LTBP1: variants seen among roughly 807,000 people sequenced by gnomAD.
The protein encoded by LTBP1 is latent transforming growth factor beta binding protein 1.
Under a neutral mutation model 207.6 loss-of-function variants are expected in LTBP1, and 129 were observed. That is an observed-to-expected ratio of 0.62 (90% CI 0.54 to 0.72). The LOEUF (loss-of-function observed/expected upper bound fraction) is 0.72. LTBP1 is among the 30% of genes least tolerant of loss of function. The pLI, the probability that LTBP1 is intolerant of heterozygous loss-of-function variation, is 0.00. For synonymous variants in LTBP1, 963 were observed against 833.7 expected (o/e 1.16, Z -2.67); for missense variants, 2,281 against 2,217.2 (o/e 1.03, Z -0.58).
At chr2:33,349,701 C>A (rs1463106090) in intron 26 of LTBP1, among the ~76,000 whole-genome samples, 1 of 152,210 alleles carries the variant, frequency 6.6e-6, no homozygotes, top group Non-Finnish European at 1.5e-5. Context: ...GACAGCATTT[C>A]TTTTACTGAA....
chr2:33,077,916 G>C (rs1394413274), intron 3 of LTBP1, among the ~76,000 whole-genome samples: 1 of 152,182 alleles, frequency 6.6e-6, no homozygotes, highest in East Asian at 1.9e-4. Flanking sequence ...GGCAGCTTGG[G>C]TATCAGTCCA....
rs1490010223 is a variant in LTBP1, at chr2:33,398,349, C to T, written c.4985-15C>T. On this transcript the variant is annotated splice_polypyrimidine_tract_variant and intron_variant, in intron 33 of 33. Coordinates refer to ENST00000404816, the MANE Select transcript of LTBP1 (RefSeq NM_206943.4). Reference sequence around the variant, plus strand: ...TATCCAAGATTGTTTACCTGCATGGCTTGACTTATTGCAGATGTAAATGAA... The same window carrying T: ...TATCCAAGATTGTTTACCTGCATGGTTTGACTTATTGCAGATGTAAATGAA... 2 of 1,609,998 alleles carry T rather than the reference C, an allele frequency of 1.2e-6. No homozygotes were observed.
chr2:33,247,839 C>A (rs1320771342), intron 10 of LTBP1, among the ~76,000 whole-genome samples: 1 of 152,218 alleles, frequency 6.6e-6, no homozygotes, highest in Admixed American at 6.5e-5. Flanking sequence ...AGTTTTGTAT[C>A]CTTTTTGGCA....
chr2:32,957,486 C>T (rs931368029), intron 2 of LTBP1, among the ~76,000 whole-genome samples: 3 of 152,042 alleles, frequency 2.0e-5, no homozygotes, highest in Admixed American at 6.5e-5. Flanking sequence ...AACGGCTGGT[C>T]GGTGGAGCAG....
intron 32 of LTBP1, among the ~76,000 whole-genome samples, chr2:33,392,249 A>G (rs1188829530): frequency 6.6e-6 from 1 of 151,722 alleles, no homozygotes; most frequent in Non-Finnish European, 1.5e-5. Flanking sequence ...CAACGGTGCA[A>G]TCTTGGCTCA....
chr2:33,245,407 G>A (rs1391081499), intron 10 of LTBP1, among the ~76,000 whole-genome samples: 9 of 152,154 alleles, frequency 5.9e-5, no homozygotes. Context: ...TTACTTTTAG[G>A]TGAGTTTGTT....
intron 3 of LTBP1, among the ~76,000 whole-genome samples, chr2:33,022,376 T>A (rs2149237471): frequency 6.6e-6 from 1 of 151,820 alleles, no homozygotes; most frequent in African/African-American, 2.4e-5. Flanking sequence ...GAAATGCTAC[T>A]TTGCTGTTGG....
intron 3 of LTBP1, among the ~76,000 whole-genome samples, chr2:33,105,256 A>G (rs1045031017): frequency 6.6e-5 from 10 of 152,208 alleles, no homozygotes; most frequent in Non-Finnish European, 1.5e-4. Flanking sequence ...GTTTCCAAGT[A>G]CATGTAAAAG....
intron 26 of LTBP1, among the ~76,000 whole-genome samples, chr2:33,352,650 C>T (rs147967535): frequency 1.4e-3 from 213 of 152,252 alleles, no homozygotes; most frequent in Middle Eastern, 3.4e-3. Context: ...CTTCTCTCCT[C>T]GCCTCTCTCA....
chr2:33,347,117 CA>C (rs775058448), intron 25 of LTBP1, among the ~76,000 whole-genome samples: 1,085 of 52,002 alleles, frequency 0.021, 2 homozygotes, highest in Middle Eastern at 0.028. Flanking sequence ...GACTCCGTCT[CA>C]AAAAAAAAAA....
intron 3 of LTBP1, among the ~76,000 whole-genome samples, chr2:33,057,187 C>G (rs563042533): frequency 6.6e-6 from 1 of 151,808 alleles, no homozygotes; most frequent in East Asian, 1.9e-4. Context: ...ACCAGATTAG[C>G]TAGATACAGA....
intron 3 of LTBP1, among the ~76,000 whole-genome samples, chr2:33,040,660 T>A (rs219215): frequency 0.88 from 134,040 of 152,164 alleles, 61,263 homozygotes; most frequent in East Asian, 1. Context: ...CTGCCTGTCA[T>A]ATCCTCCCTT....
At chr2:33,270,344 C>G (rs568549134) in intron 15 of LTBP1, among the ~76,000 whole-genome samples, 132 of 152,094 alleles carry the variant, frequency 8.7e-4, no homozygotes, top group African/African-American at 3.1e-3. Flanking sequence ...AATCCCAGCA[C>G]TTGGGGAGGC....
intron 2 of LTBP1, among the ~76,000 whole-genome samples, chr2:33,011,253 GCTCCCCT>G (rs923292311): frequency 1.8e-4 from 27 of 152,282 alleles, no homozygotes; most frequent in African/African-American, 6.3e-4. Flanking sequence ...TCACTGCACA[GCTCCCCT>G]CCATGTATTT....
chr2:33,023,322 A>G (rs1007331192), intron 3 of LTBP1, among the ~76,000 whole-genome samples: 2 of 152,214 alleles, frequency 1.3e-5, no homozygotes, highest in Admixed American at 1.3e-4. Context: ...TGATGTATAT[A>G]TATGGATTGT....
intron 7 of LTBP1, among the ~76,000 whole-genome samples, chr2:33,193,786 G>C (rs1472713614): frequency 6.6e-6 from 1 of 152,076 alleles, no homozygotes; most frequent in Non-Finnish European, 1.5e-5. Flanking sequence ...AACCATATAA[G>C]ATGGCAAACT....
intron 7 of LTBP1, among the ~76,000 whole-genome samples, chr2:33,203,242 C>G (rs1021469923): frequency 6.6e-6 from 1 of 152,248 alleles, no homozygotes; most frequent in East Asian, 1.9e-4. Context: ...TTGACTTTCG[C>G]GCAGGGGCCC....
rs74805886 is a variant in LTBP1, at chr2:33,337,039, A to G, written c.3731-5799A>G. Among the ~76,000 whole-genome samples, 467 of 152,332 alleles carry G rather than the reference A, an allele frequency of 3.1e-3. 2 individuals carry two copies. The highest frequency in any genetic ancestry group is 4.7e-3 in the Non-Finnish European group (319 of 68,026). On this transcript the variant is annotated intron_variant, in intron 24 of 33. Transcript: ENST00000404816. ...ACGATTTTAATTTTTTGGTTCTTAA[A>G]CAAGATTTACATGACCCCAACCTCT...
rs571691593 is a variant in LTBP1, at chr2:33,171,526, T to C, written c.1202-15330T>C. On this transcript the variant is annotated intron_variant, in intron 5 of 33. Coordinates refer to ENST00000404816, the MANE Select transcript of LTBP1 (RefSeq NM_206943.4). ...ACTATGTGAAAAGACCAAATCTACG[T>C]CTGATTGGTGTACCTGAAAGTGACG... Among the ~76,000 whole-genome samples, 49 of 151,256 alleles carry C rather than the reference T, an allele frequency of 3.2e-4. 1 individual carries two copies. Among genetic ancestry groups the C allele is most frequent in the Admixed American group, 3.1e-3 (47 of 15,194 alleles).
Sources: gnomAD v4.1 joint callset for allele counts (sites outside exome capture counted in the v4.1 genomes callset) on GRCh38, gnomAD v4.1.1 for gene constraint, MANE v1.5 for transcripts, NCBI Gene and HGNC (gene_info 2026-07-23, HGNC 2026-07-21) for gene names.